The following HDAC9 variants were observed in gnomAD, a reference collection of about 807,000 sequenced individuals.
HDAC9 encodes the protein histone deacetylase 9.
A neutral mutation model predicts 139.4 loss-of-function variants in HDAC9; 41 were observed. That is an observed-to-expected ratio of 0.29 (90% CI 0.23 to 0.38). HDAC9 has a LOEUF of 0.38. HDAC9 is among the 10% of genes least tolerant of loss of function. The pLI is 1.00. For synonymous variants in HDAC9, 517 were observed against 476.2 expected (o/e 1.09, Z -1.12); for missense variants, 1,147 against 1,297.0 (o/e 0.88, Z 1.78).
At position 18,211,249 on chromosome 7, in the gene HDAC9, A is replaced by G. The variant is rs544209070; in HGVS notation, c.25+48900A>G. 2.4e-4 allele frequency among the ~76,000 whole-genome samples: 36 copies of G among 152,342 alleles called. 1 individual carries two copies. The South Asian group carries it at 7.5e-3, about 32-fold the overall frequency. ...TTTGGGCTTGTATGAAGATCTGCTC[A>G]TCATAGAAGCCCACTTACCTATAGT... On this transcript the variant is annotated intron_variant, in intron 2 of 12. Transcript: ENST00000417496.
At chr7:18,467,134 C>G (rs1423616178) in intron 1 of HDAC9, among the ~76,000 whole-genome samples, 1 of 152,160 alleles carries the variant, frequency 6.6e-6, no homozygotes, top group Non-Finnish European at 1.5e-5. Flanking sequence ...TTTAATAAGG[C>G]CAAAATATCT....
chr7:18,834,532 T>C (rs1397627701), intron 19 of HDAC9, among the ~76,000 whole-genome samples: 1 of 151,528 alleles, frequency 6.6e-6, no homozygotes, highest in Non-Finnish European at 1.5e-5. Flanking sequence ...ATCAGGCTTT[T>C]TTTTTTTTTT....
intron 2 of HDAC9, among the ~76,000 whole-genome samples, chr7:18,187,974 T>C (rs1429864523): frequency 2.0e-5 from 3 of 152,192 alleles, no homozygotes; most frequent in African/African-American, 7.2e-5. Flanking sequence ...CCATTGACAT[T>C]CTTCACAGAA....
At chr7:18,728,301 C>A (rs976030549) in intron 13 of HDAC9, among the ~76,000 whole-genome samples, 1 of 151,956 alleles carries the variant, frequency 6.6e-6, no homozygotes, top group Non-Finnish European at 1.5e-5. Flanking sequence ...GCTTTTCGAC[C>A]AACCTCTTCC....
intron 24 of HDAC9, 24 bp from the exon 25 acceptor site, chr7:18,975,782 A>G: frequency 6.2e-7 from 1 of 1,609,908 alleles, no homozygotes; most frequent in Non-Finnish European, 8.5e-7. Context: ...AATTCTTATG[A>G]AGTATGATGG....
chr7:18,827,403 G>T (rs1795532885), intron 17 of HDAC9, among the ~76,000 whole-genome samples: 1 of 151,810 alleles, frequency 6.6e-6, no homozygotes, highest in South Asian at 2.1e-4. Context: ...TTTTTTTAAG[G>T]CTCTGGATAT....
intron 1 of HDAC9, among the ~76,000 whole-genome samples, chr7:18,386,027 A>G (rs1421295825): frequency 6.6e-6 from 1 of 151,900 alleles, no homozygotes; most frequent in Non-Finnish European, 1.5e-5. Flanking sequence ...TTAGATGATT[A>G]TACTTATTCA....
At chr7:18,981,508 T>A (rs1784948014) in intron 25 of HDAC9, among the ~76,000 whole-genome samples, 1 of 152,192 alleles carries the variant, frequency 6.6e-6, no homozygotes, top group Non-Finnish European at 1.5e-5. Context: ...TTGGCAAGGC[T>A]GCCTTCATTT....
intron 1 of HDAC9, among the ~76,000 whole-genome samples, chr7:18,322,184 G>A (rs1463547056): frequency 1.3e-5 from 2 of 152,180 alleles, no homozygotes; most frequent in Non-Finnish European, 2.9e-5. Flanking sequence ...CTGTTCATCT[G>A]TAAAGCTGGG....
intron 1 of HDAC9, among the ~76,000 whole-genome samples, chr7:18,414,475 A>T (rs55921839): frequency 3.3e-4 from 50 of 152,000 alleles, no homozygotes; most frequent in Non-Finnish European, 6.0e-4. Flanking sequence ...AACTACAAGG[A>T]CATACCTTTC....
At chr7:18,503,254 G>A (rs932608897) in intron 2 of HDAC9, among the ~76,000 whole-genome samples, 5 of 152,204 alleles carry the variant, frequency 3.3e-5, no homozygotes, top group Admixed American at 2.0e-4. Context: ...CTTGGGATAT[G>A]TGGTGTCCTT....
intron 12 of HDAC9, among the ~76,000 whole-genome samples, chr7:18,705,369 A>G (rs1783806456): frequency 6.6e-6 from 1 of 152,080 alleles, no homozygotes; most frequent in Non-Finnish European, 1.5e-5. Context: ...ATGTCTCTAG[A>G]CATTGTCAAA....
chr7:18,096,760 T>C (rs1465943565), intron 1 of HDAC9, among the ~76,000 whole-genome samples: 1 of 152,212 alleles, frequency 6.6e-6, no homozygotes, highest in East Asian at 1.9e-4. Flanking sequence ...CCTATTGCTC[T>C]GTGACTCAAA....
At chr7:18,640,547 C>T (rs1056895641) in intron 8 of HDAC9, among the ~76,000 whole-genome samples, 6 of 151,178 alleles carry the variant, frequency 4.0e-5, no homozygotes, top group African/African-American at 1.5e-4. Context: ...TCCTTGGTTC[C>T]TTCTCTCCAT....
chr7:18,732,579 G>A (rs1288163469), intron 13 of HDAC9, among the ~76,000 whole-genome samples: 1 of 145,964 alleles, frequency 6.9e-6, no homozygotes, highest in Non-Finnish European at 1.5e-5. Context: ...ATGTGCATGT[G>A]TATATACACA....
intron 2 of HDAC9, among the ~76,000 whole-genome samples, chr7:18,520,178 A>G (rs1049045313): frequency 1.3e-5 from 2 of 152,168 alleles, no homozygotes; most frequent in African/African-American, 4.8e-5. Context: ...TTACTTCAGG[A>G]ATAAGATTAA....
chr7:18,906,756 T>G (rs1386896746), intron 22 of HDAC9, among the ~76,000 whole-genome samples: 1 of 152,186 alleles, frequency 6.6e-6, no homozygotes, highest in African/African-American at 2.4e-5. Flanking sequence ...AAAATGCAGA[T>G]TCCTTGTCTT....
chr7:18,663,830 C>G (rs1161378588), intron 11 of HDAC9, among the ~76,000 whole-genome samples: 1 of 152,056 alleles, frequency 6.6e-6, no homozygotes, highest in Admixed American at 6.6e-5. Context: ...AGATAAATCC[C>G]TTCTTCCCAC....
chr7:18,775,989 T>C (rs1251273828), intron 16 of HDAC9, among the ~76,000 whole-genome samples: 1 of 152,060 alleles, frequency 6.6e-6, no homozygotes, highest in Non-Finnish European at 1.5e-5. Context: ...GGGAGTACAG[T>C]GGCACAATCA....
Sources: allele counts gnomAD v4.1 joint callset (sites outside exome capture counted in the v4.1 genomes callset), GRCh38; gene constraint gnomAD v4.1.1; transcripts MANE v1.5; gene names NCBI Gene and HGNC (gene_info 2026-07-23, HGNC 2026-07-21).